Variants in FAM114A1 observed in about 807,000 individuals in gnomAD.
FAM114A1 encodes protein NOXP20.
Under a neutral mutation model 64.3 loss-of-function variants are expected in FAM114A1, and 62 were observed. That is an observed-to-expected ratio of 0.96 (90% CI 0.79 to 1.19). The LOEUF is 1.19. FAM114A1 is among the 50% of genes most tolerant of loss of function. The pLI is 0.00. For synonymous variants in FAM114A1, 254 were observed against 251.1 expected (o/e 1.01, Z -0.11); for missense variants, 645 against 676.3 (o/e 0.95, Z 0.51).
chr4:38,878,000 T>G, intron 2 of FAM114A1, 71 bp from the exon 3 acceptor site: 1 of 1,335,046 alleles, frequency 7.5e-7, no homozygotes, highest in Non-Finnish European at 1.0e-6. Context: ...ACCAGATTTA[T>G]TTATCCAGGG....
chr4:38,922,569 A>T (rs1166739392), intron 8 of FAM114A1, among the ~76,000 whole-genome samples: 1 of 152,220 alleles, frequency 6.6e-6, no homozygotes. Flanking sequence ...CTCCCTTTAA[A>T]AATGAGAAAA....
At chr4:38,909,068 G>A (rs563627495) in intron 7 of FAM114A1, among the ~76,000 whole-genome samples, 3 of 152,170 alleles carry the variant, frequency 2.0e-5, no homozygotes, top group African/African-American at 7.2e-5. Flanking sequence ...TTTCAACCCA[G>A]TGGTAACATA....
chr4:38,940,382 GAA>G (rs11327672), intron 13 of FAM114A1, among the ~76,000 whole-genome samples: 3 of 150,966 alleles, frequency 2.0e-5, no homozygotes, highest in Admixed American at 6.6e-5. Context: ...AAGAAAGAAA[GAA>G]AAAAAAAGGG....
At chr4:38,918,894 G>A (rs935707985) in intron 8 of FAM114A1, among the ~76,000 whole-genome samples, 4 of 152,188 alleles carry the variant, frequency 2.6e-5, no homozygotes, top group Admixed American at 6.5e-5. Context: ...GCTCACGCCT[G>A]TAATCCCAGC....
intron 2 of FAM114A1, among the ~76,000 whole-genome samples, chr4:38,875,651 G>T (rs558342736): frequency 4.5e-4 from 69 of 152,020 alleles, no homozygotes; most frequent in Admixed American, 3.3e-4. Context: ...ATTTTATTTC[G>T]TTCTCTTGTC....
intron 3 of FAM114A1, among the ~76,000 whole-genome samples, chr4:38,887,760 C>G (rs1311055350): frequency 6.6e-6 from 1 of 152,142 alleles, no homozygotes; most frequent in African/African-American, 2.4e-5. Flanking sequence ...TGCATACTTA[C>G]CAAGGAAGAA....
intron 4 of FAM114A1, 106 bp from the exon 5 acceptor site, chr4:38,905,413 AAAG>A: frequency 1.2e-6 from 1 of 835,592 alleles, no homozygotes; most frequent in Non-Finnish European, 1.9e-6. Flanking sequence ...AAAAAAAAAA[AAAG>A]AAAGATGTAC....
rs189869811 is a variant in FAM114A1 at position 38,891,616 on chromosome 4, A to G, written c.349-127A>G. 5.2e-6 allele frequency: 4 copies of G among 767,758 alleles called. No homozygotes were observed. In the African/African-American group the frequency reaches 5.3e-5, roughly 10 times the overall value. 47.6% of individuals were successfully genotyped at this position (767,758 alleles called of 1,614,324 possible). On this transcript the variant is annotated intron_variant, in intron 3 of 14. Coordinates refer to ENST00000358869, the MANE Select transcript of FAM114A1 (RefSeq NM_138389.4). ...TATTCTTTTATGACCCTTATAAACTATAAGCCAATTAGATACGGTTGTTGG... is the reference window on the plus strand; with the variant it reads ...TATTCTTTTATGACCCTTATAAACTGTAAGCCAATTAGATACGGTTGTTGG...
chr4:38,893,722 A>G (rs1716621186), intron 4 of FAM114A1, among the ~76,000 whole-genome samples: 1 of 152,182 alleles, frequency 6.6e-6, no homozygotes, highest in African/African-American at 2.4e-5. Context: ...CATTGAATTT[A>G]CTATCCAGCA....
chr4:38,944,726 A>G lies in FAM114A1; in HGVS notation c.*1169A>G, dbSNP rs1439836221. On this transcript the variant is annotated 3_prime_UTR_variant, in exon 15 of 15. Coordinates refer to ENST00000358869, the MANE Select transcript of FAM114A1 (RefSeq NM_138389.4). The stretch of plus-strand genomic sequence containing the variant: ...TGTGAACTGCACATGCGAGGGATCT[A>G]GGTTGTGCACTCCTTATGAGAATCT... 1 of 152,192 alleles carries G rather than the reference A, an allele frequency of 6.6e-6. No individual in the cohort carries two copies. The highest frequency in any genetic ancestry group is 1.5e-5 in the Non-Finnish European group (1 of 68,058). 9.4% of individuals were successfully genotyped at this position (152,192 alleles called of 1,614,324 possible).
chr4:38,878,464 C>A (rs771123219), intron 3 of FAM114A1, 38 bp downstream of exon 3: 1 of 1,530,596 alleles, frequency 6.5e-7, no homozygotes, highest in Non-Finnish European at 8.8e-7. Flanking sequence ...GGCCTAAGTT[C>A]TTGCTTATAT....
At chr4:38,914,841 C>A in intron 7 of FAM114A1, 80 bp from the exon 8 acceptor site, 4 of 1,492,612 alleles carry the variant, frequency 2.7e-6, no homozygotes, top group Non-Finnish European at 3.6e-6. Context: ...AATCAGTCCT[C>A]CCAACCTCCC....
chr4:38,923,515 C>T (rs925735563), intron 9 of FAM114A1, among the ~76,000 whole-genome samples: 1 of 152,118 alleles, frequency 6.6e-6, no homozygotes, highest in Admixed American at 6.5e-5. Context: ...GCCGCCTTGC[C>T]TGGCCTATGC....
At chr4:38,908,960 G>A (rs1374343222) in intron 7 of FAM114A1, among the ~76,000 whole-genome samples, 2 of 152,092 alleles carry the variant, frequency 1.3e-5, no homozygotes, top group East Asian at 3.8e-4. Flanking sequence ...AGAGAGATAT[G>A]GATATAGATC....
chr4:38,914,699 G>T, intron 7 of FAM114A1: 1 of 474,644 alleles, frequency 2.1e-6, no homozygotes, highest in Non-Finnish European at 3.6e-6. Context: ...TTTTTGCTTT[G>T]TTTTGCCTTT....
intron 3 of FAM114A1, 102 bp downstream of exon 3, chr4:38,878,528 A>G (rs1454749520): frequency 3.2e-6 from 3 of 937,360 alleles, no homozygotes; most frequent in Non-Finnish European, 4.8e-6. Flanking sequence ...GGGAGTTCAA[A>G]ATGTACTGTG....
intron 8 of FAM114A1, among the ~76,000 whole-genome samples, chr4:38,921,950 A>C (rs1229206609): frequency 6.6e-6 from 1 of 151,938 alleles, no homozygotes; most frequent in East Asian, 1.9e-4. Context: ...TTATTCATTC[A>C]TTTATTTTTT....
intron 6 of FAM114A1, among the ~76,000 whole-genome samples, chr4:38,907,903 G>T (rs754913726): frequency 6.6e-6 from 1 of 152,068 alleles, no homozygotes; most frequent in Non-Finnish European, 1.5e-5. Context: ...AGTAAGTCTG[G>T]GTTATTTTAA....
intron 2 of FAM114A1, among the ~76,000 whole-genome samples, chr4:38,870,842 A>G (rs138304847): frequency 2.6e-4 from 40 of 152,332 alleles, no homozygotes; most frequent in African/African-American, 8.7e-4. Flanking sequence ...TGTATTTCAA[A>G]CACACAGTTT....
Sources: gnomAD v4.1 joint callset for allele counts (sites outside exome capture counted in the v4.1 genomes callset) on GRCh38, gnomAD v4.1.1 for gene constraint, MANE v1.5 for transcripts, NCBI Gene and HGNC (gene_info 2026-07-23, HGNC 2026-07-21) for gene names.